The following GUCD1 variants were observed in gnomAD, a reference collection of about 807,000 sequenced individuals.
GUCD1 encodes the protein protein GUCD1.
In GUCD1, 17 loss-of-function variants were observed where a neutral mutation model predicts 28.3. The observed-to-expected ratio is 0.60, with a 90% confidence interval of 0.41 to 0.90. GUCD1 has a LOEUF of 0.90. GUCD1 is among the 40% of genes least tolerant of loss of function. The pLI is 0.00. For missense variants in GUCD1, 279 were observed against 305.5 expected (o/e 0.91, Z 0.65); for synonymous variants, 129 against 123.3 (o/e 1.05, Z -0.30).
chr22:24,555,863 G>A, upstream of GUCD1: 2 of 1,526,866 alleles, frequency 1.3e-6, no homozygotes, highest in Non-Finnish European at 8.8e-7. Context: ...TCGTACTGGT[G>A]CCCTAGTTTC....
At chr22:24,553,619 CTG>C (rs2044941489) in intron 1 of GUCD1, among the ~76,000 whole-genome samples, 1 of 152,382 alleles carries the variant, frequency 6.6e-6, no homozygotes, top group Admixed American at 6.5e-5. Context: ...CCTCCTTACT[CTG>C]TGGCTTGGGC....
chr22:24,550,711 C>T (rs1302684312), intron 1 of GUCD1, among the ~76,000 whole-genome samples: 1 of 152,212 alleles, frequency 6.6e-6, no homozygotes, highest in Admixed American at 6.5e-5. Flanking sequence ...TGGGATCTGT[C>T]CTGGCCTTTC....
intron 1 of GUCD1, among the ~76,000 whole-genome samples, chr22:24,552,782 A>G (rs1012450464): frequency 6.0e-5 from 9 of 150,908 alleles, no homozygotes; most frequent in Admixed American, 2.6e-4. Flanking sequence ...AAAAAAAAAA[A>G]GGAAAAGGAA....
chr22:24,555,460 T>C (rs1049722962), upstream of GUCD1: 90 of 1,146,812 alleles, frequency 7.8e-5, no homozygotes, highest in Middle Eastern at 4.2e-4. Context: ...TTGCCAGTCC[T>C]AGGTGTAAGC....
chr22:24,545,704 T>C (rs1319331248), intron 4 of GUCD1, among the ~76,000 whole-genome samples: 7 of 134,828 alleles, frequency 5.2e-5, no homozygotes, highest in Admixed American at 5.1e-4. Flanking sequence ...CCTGGGTTCA[T>C]GCCATTCTCC....
rs201162614 is a variant in GUCD1, at chr22:24,542,988, C to T, written c.*18G>A. On this transcript the variant is annotated 3_prime_UTR_variant, in exon 6 of 6. Coordinates refer to ENST00000435822, the MANE Select transcript of GUCD1 (RefSeq NM_001284254.2). ...TGGGGATGGGGTCCGAGGGCCTAGG[C>T]GCACCAGGCTCCTGCTGTCAGCTGT... is the stretch of plus-strand genomic sequence containing the variant. 52 of 1,587,154 alleles carry T rather than the reference C, an allele frequency of 3.3e-5. No individual in the cohort carries two copies. Among genetic ancestry groups the T allele is most frequent in the Admixed American group, 1.3e-4 (8 of 59,942 alleles).
intron 4 of GUCD1, among the ~76,000 whole-genome samples, chr22:24,544,420 T>C (rs1437781178): frequency 6.6e-6 from 1 of 152,182 alleles, no homozygotes. Context: ...CCAGCCTGGT[T>C]AGTGAATTCT....
At chr22:24,551,242 C>G (rs1436394717) in intron 1 of GUCD1, among the ~76,000 whole-genome samples, 1 of 152,206 alleles carries the variant, frequency 6.6e-6, no homozygotes, top group African/African-American at 2.4e-5. Flanking sequence ...CATTCTCTTC[C>G]TTCCTCTTAA....
In GUCD1 at chr22:24,542,994, A is replaced by T; in HGVS notation, c.*12T>A. 1 of 1,601,628 alleles carries T rather than the reference A, an allele frequency of 6.2e-7. No individual in the cohort carries two copies. The highest frequency in any genetic ancestry group is 8.6e-7 in the Non-Finnish European group (1 of 1,168,812). Reference sequence around the variant, plus strand: ...TGGGGTCCGAGGGCCTAGGCGCACCAGGCTCCTGCTGTCAGCTGTCCAAGT... The same window carrying T: ...TGGGGTCCGAGGGCCTAGGCGCACCTGGCTCCTGCTGTCAGCTGTCCAAGT... On this transcript the variant is annotated 3_prime_UTR_variant, in exon 6 of 6. Coordinates refer to ENST00000435822, the MANE Select transcript of GUCD1 (RefSeq NM_001284254.2).
At chr22:24,544,942 C>T (rs1472900879) in intron 4 of GUCD1, among the ~76,000 whole-genome samples, 1 of 151,974 alleles carries the variant, frequency 6.6e-6, no homozygotes, top group Non-Finnish European at 1.5e-5. Context: ...ATCACTTAAG[C>T]CTGGGGCTGT....
At chr22:24,549,599 AT>A (rs2044821295) in intron 1 of GUCD1, among the ~76,000 whole-genome samples, 1 of 151,918 alleles carries the variant, frequency 6.6e-6, no homozygotes, top group African/African-American at 2.4e-5. Flanking sequence ...GCAACCTGCG[AT>A]TCCCGGGTGG....
intron 1 of GUCD1, 80 bp from the exon 2 acceptor site, chr22:24,549,081 C>T (rs1440936823): frequency 3.0e-6 from 3 of 984,682 alleles, no homozygotes; most frequent in Non-Finnish European, 4.7e-6. Flanking sequence ...AGTGTCACTG[C>T]CTCCTGCCTA....
intron 1 of GUCD1, among the ~76,000 whole-genome samples, chr22:24,550,996 C>T (rs1298376700): frequency 1.3e-5 from 2 of 152,190 alleles, no homozygotes; most frequent in Non-Finnish European, 2.9e-5. Context: ...ACTCCATGTG[C>T]AGCAGGGCCC....
At chr22:24,555,783 G>A (rs1489587089), upstream of GUCD1, 2 of 1,549,808 alleles carry the variant, frequency 1.3e-6, no homozygotes, top group Non-Finnish European at 8.7e-7. Context: ...CTGGCTCTTT[G>A]CCGGCCCCAA....
chr22:24,553,498 C>T (rs1254601907), intron 1 of GUCD1, among the ~76,000 whole-genome samples: 5 of 152,174 alleles, frequency 3.3e-5, no homozygotes, highest in Admixed American at 2.6e-4. Context: ...GAATGGAAGG[C>T]GTTTTCCAAA....
chr22:24,544,952 T>C (rs984297064), intron 4 of GUCD1, among the ~76,000 whole-genome samples: 2 of 151,734 alleles, frequency 1.3e-5, no homozygotes, highest in African/African-American at 4.8e-5. Flanking sequence ...CCTGGGGCTG[T>C]AGCAGTGAGC....
chr22:24,551,426 T>G (rs2044870833), intron 1 of GUCD1, among the ~76,000 whole-genome samples: 1 of 152,188 alleles, frequency 6.6e-6, no homozygotes, highest in South Asian at 2.1e-4. Context: ...CCATTCAGTT[T>G]CCCACTGCTC....
chr22:24,547,076 A>G (rs1344822356), intron 3 of GUCD1, 71 bp from the exon 4 acceptor site: 14 of 1,211,514 alleles, frequency 1.2e-5, no homozygotes, highest in Non-Finnish European at 1.7e-5. Context: ...TGAAGGAAAT[A>G]AAGAGCGTGT....
intron 1 of GUCD1, among the ~76,000 whole-genome samples, chr22:24,552,694 T>C (rs922241516): frequency 6.7e-6 from 1 of 150,102 alleles, no homozygotes; most frequent in Non-Finnish European, 1.5e-5. Context: ...TGCTTGAACC[T>C]GGGAGGCGGA....
Sources: allele counts gnomAD v4.1 joint callset (sites outside exome capture counted in the v4.1 genomes callset), GRCh38; gene constraint gnomAD v4.1.1; transcripts MANE v1.5; gene names NCBI Gene and HGNC (gene_info 2026-07-23, HGNC 2026-07-21).